The following LRRC49 variants were observed in gnomAD, a reference collection of about 807,000 sequenced individuals.
LRRC49 encodes the protein leucine rich repeat containing 49.
In LRRC49, 50 loss-of-function variants were observed where a neutral mutation model predicts 83.3. The observed-to-expected ratio is 0.60, with a 90% CI of 0.48 to 0.76. LRRC49 has a LOEUF of 0.76. Among genes scored for constraint, LRRC49 ranks in the 30% least tolerant of loss-of-function variants. The probability of loss-of-function intolerance (pLI) is 0.00; values close to 1 mark genes in which losing one functional copy is unlikely to be tolerated. For synonymous variants in LRRC49, 286 were observed against 283.3 expected (o/e 1.01, Z -0.10); for missense variants, 704 against 809.1 (o/e 0.87, Z 1.58).
chr15:70,925,393 G>T (rs1251046438), intron 7 of LRRC49, among the ~76,000 whole-genome samples: 1 of 151,992 alleles, frequency 6.6e-6, no homozygotes, highest in Non-Finnish European at 1.5e-5. Flanking sequence ...ACCTTCTCTT[G>T]CTAATTAACA....
upstream of LRRC49, among the ~76,000 whole-genome samples, chr15:70,889,177 A>G (rs989991786): frequency 6.6e-6 from 1 of 152,204 alleles, no homozygotes; most frequent in African/African-American, 2.4e-5. Context: ...CAATGGGTAA[A>G]AACCCAAATG....
intron 8 of LRRC49, among the ~76,000 whole-genome samples, chr15:70,962,916 A>G (rs1423378207): frequency 6.6e-6 from 1 of 152,052 alleles, no homozygotes; most frequent in African/African-American, 2.4e-5. Context: ...ACATAACCTC[A>G]GCCTCAGCCT....
intron 6 of LRRC49, among the ~76,000 whole-genome samples, chr15:70,915,908 A>C (rs951610869): frequency 6.6e-6 from 1 of 152,228 alleles, no homozygotes; most frequent in African/African-American, 2.4e-5. Context: ...GATGGAACCT[A>C]GATGGTGTTT....
chr15:70,853,802 A>C, intron 1 of LRRC49: 1 of 981,544 alleles, frequency 1.0e-6, no homozygotes, highest in Non-Finnish European at 1.3e-6. Flanking sequence ...CTGCCCGAGG[A>C]GTTGTCGCGC....
chr15:71,048,862 A>G (rs2039936310), intron 15 of LRRC49: 1 of 455,418 alleles, frequency 2.2e-6, no homozygotes, highest in Non-Finnish European at 4.4e-6. Flanking sequence ...CTATATGTTT[A>G]CTCTTCCTAA....
At position 71,012,868 on chromosome 15, in the gene LRRC49, C is replaced by T. The variant is rs1243162154; in HGVS notation, c.1658C>T (p.Ser553Phe). The T allele has an allele frequency of 2.5e-6, 4 of 1,613,172 alleles. No homozygotes were observed. In the African/African-American group the frequency reaches 4.0e-5, roughly 16 times the overall value. The stretch of plus-strand genomic sequence containing the variant: ...GGAATCCTAGCACATGTAGCATCTT[C>T]TGAGTTACCCCAGTATCGTCTGATT... ...LFGILAHVASSELPQYRLISI... is the reference protein window; with the variant it reads ...LFGILAHVASFELPQYRLISI... Residue 553 changes from serine (S) to phenylalanine (F), a missense_variant, in exon 14 of 16, where the codon TCT becomes TTT. By Grantham distance (155) the Ser-to-Phe change is radical. Around this residue, in one of 3 missense-constraint regions of LRRC49, gnomAD observed 275 missense variants for 338.0 expected, o/e 0.81. Transcript: ENST00000260382.
intron 8 of LRRC49, among the ~76,000 whole-genome samples, chr15:70,959,310 T>A (rs112296045): frequency 0.015 from 2,221 of 151,996 alleles, 54 homozygotes; most frequent in African/African-American, 0.05. Flanking sequence ...CTGGCCATGG[T>A]GAAACCCTGT....
intron 9 of LRRC49, among the ~76,000 whole-genome samples, chr15:70,965,306 C>A (rs571552964): frequency 6.6e-6 from 1 of 152,208 alleles, no homozygotes; most frequent in Admixed American, 6.5e-5. Flanking sequence ...TCTTTAAAGG[C>A]AGAAACCATT....
chr15:70,888,830 T>C (rs1054288180), upstream of LRRC49, among the ~76,000 whole-genome samples: 4 of 152,188 alleles, frequency 2.6e-5, no homozygotes, highest in African/African-American at 9.6e-5. Flanking sequence ...GCTACCTAAA[T>C]ATCCAATTAA....
At chr15:70,974,545 A>G (rs1034561803) in intron 9 of LRRC49, among the ~76,000 whole-genome samples, 1 of 152,216 alleles carries the variant, frequency 6.6e-6, no homozygotes, top group African/African-American at 2.4e-5. Context: ...TGAATGACAG[A>G]AACTAGAGAA....
At chr15:70,969,398 G>A (rs572178787) in intron 9 of LRRC49, among the ~76,000 whole-genome samples, 4 of 152,154 alleles carry the variant, frequency 2.6e-5, no homozygotes, top group Non-Finnish European at 5.9e-5. Context: ...TTGTAGTATA[G>A]TTTGAAGTCA....
chr15:71,026,146 CTA>C (rs1481106719), intron 14 of LRRC49, among the ~76,000 whole-genome samples: 2 of 151,988 alleles, frequency 1.3e-5, no homozygotes, highest in Non-Finnish European at 2.9e-5. Flanking sequence ...CAACTCCCAC[CTA>C]TGAGTGAGAA....
chr15:70,960,631 A>G (rs2036572477), intron 8 of LRRC49, among the ~76,000 whole-genome samples: 1 of 152,186 alleles, frequency 6.6e-6, no homozygotes, highest in Admixed American at 6.5e-5. Flanking sequence ...ATAGACCCAT[A>G]CAAATATATT....
At chr15:70,932,609 T>C (rs2035447827) in intron 7 of LRRC49, among the ~76,000 whole-genome samples, 2 of 152,182 alleles carry the variant, frequency 1.3e-5, no homozygotes, top group Admixed American at 6.5e-5. Context: ...TTCACCTTTC[T>C]TCTTCCTTAT....
At chr15:71,044,130 C>T (rs1326557574) in intron 15 of LRRC49, among the ~76,000 whole-genome samples, 1 of 152,182 alleles carries the variant, frequency 6.6e-6, no homozygotes, top group Non-Finnish European at 1.5e-5. Flanking sequence ...GAAAAGGGAG[C>T]AGCTACATTC....
chr15:70,980,929 A>T (rs1046501435), intron 10 of LRRC49, among the ~76,000 whole-genome samples: 1 of 152,136 alleles, frequency 6.6e-6, no homozygotes, highest in African/African-American at 2.4e-5. Context: ...GGTGGTATGT[A>T]CCTGAAGTCT....
intron 8 of LRRC49, among the ~76,000 whole-genome samples, chr15:70,957,976 G>A (rs2036462376): frequency 6.6e-6 from 1 of 152,148 alleles, no homozygotes. Context: ...CATTTTAAGT[G>A]TAGAGTTCAA....
intron 1 of LRRC49, among the ~76,000 whole-genome samples, chr15:70,861,092 A>G (rs938106124): frequency 3.9e-5 from 6 of 152,306 alleles, no homozygotes; most frequent in African/African-American, 1.4e-4. Context: ...AGAATCTCAC[A>G]CTTTGTCTAA....
chr15:70,860,217 G>C, intron 1 of LRRC49: 1 of 601,318 alleles, frequency 1.7e-6, no homozygotes, highest in Non-Finnish European at 2.9e-6. Context: ...CCAGGGCCCT[G>C]GAGGAGGCCG....
Sources: allele counts gnomAD v4.1 joint callset (sites outside exome capture counted in the v4.1 genomes callset), GRCh38; gene constraint gnomAD v4.1.1; regional missense constraint gnomAD v4.1.1; transcripts MANE v1.5; gene names NCBI Gene and HGNC (gene_info 2026-07-23, HGNC 2026-07-21).